The following TTC7A variants were observed in gnomAD, a reference collection of about 807,000 sequenced individuals.
TTC7A encodes tetratricopeptide repeat protein 7A.
TTC7A carries 110 observed loss-of-function variants against 103.7 expected under a neutral mutation model. That is an observed-to-expected ratio of 1.06 (90% confidence interval 0.91 to 1.24). The LOEUF (loss-of-function observed/expected upper bound fraction) is 1.24. Among genes scored for constraint, TTC7A ranks in the 50% most tolerant of loss-of-function variants. The pLI, the probability that TTC7A is intolerant of heterozygous loss-of-function variation, is 0.00. For synonymous variants in TTC7A, 521 were observed against 467.9 expected (o/e 1.11, Z -1.47); for missense variants, 1,340 against 1,116.3 (o/e 1.20, Z -2.86).
At chr2:46,928,033 T>C (rs1161907283) in intron 2 of TTC7A, among the ~76,000 whole-genome samples, 3 of 151,134 alleles carry the variant, frequency 2.0e-5, no homozygotes, top group African/African-American at 7.3e-5. Flanking sequence ...AGCTGACCAC[T>C]GGCATACACC....
chr2:46,927,668 A>AT (rs1669460851), intron 2 of TTC7A, among the ~76,000 whole-genome samples: 1 of 151,916 alleles, frequency 6.6e-6, no homozygotes, highest in Non-Finnish European at 1.5e-5. Context: ...CAAAAAAAAG[A>AT]TTATTATTAA....
At chr2:46,922,764 G>A (rs1669173039) in intron 2 of TTC7A, among the ~76,000 whole-genome samples, 2 of 152,090 alleles carry the variant, frequency 1.3e-5, no homozygotes, top group African/African-American at 4.8e-5. Flanking sequence ...CACACTGGAG[G>A]AAGCACATCA....
At chr2:46,915,932 T>C (rs1013056351), upstream of TTC7A, 1 of 984,818 alleles carries the variant, frequency 1.0e-6, no homozygotes, top group Admixed American at 6.2e-5. Context: ...TGAGTCCACG[T>C]GTAATCGGCC....
At chr2:47,063,932 C>A (rs958349978) in intron 19 of TTC7A, among the ~76,000 whole-genome samples, 2 of 152,246 alleles carry the variant, frequency 1.3e-5, no homozygotes, top group East Asian at 3.8e-4. Context: ...AGAAAGCCCA[C>A]TGGGAGTTGA....
At chr2:46,955,269 G>A (rs747211986) in intron 2 of TTC7A, among the ~76,000 whole-genome samples, 6 of 152,208 alleles carry the variant, frequency 3.9e-5, no homozygotes, top group Non-Finnish European at 7.3e-5. Flanking sequence ...TGCAGGGAAC[G>A]CAGAGTCACT....
intron 5 of TTC7A, among the ~76,000 whole-genome samples, chr2:46,990,574 G>C (rs1361742077): frequency 6.6e-6 from 1 of 152,220 alleles, no homozygotes; most frequent in Non-Finnish European, 1.5e-5. Flanking sequence ...ACCCAAATTA[G>C]AAGGAGAAAG....
At chr2:46,973,615 G>A (rs529346801) in intron 3 of TTC7A, among the ~76,000 whole-genome samples, 2 of 152,224 alleles carry the variant, frequency 1.3e-5, no homozygotes, top group South Asian at 4.2e-4. Flanking sequence ...ATTCCCAGTC[G>A]AGGGACTGAG....
At chr2:47,032,791 T>G (rs1329200467) in intron 15 of TTC7A, among the ~76,000 whole-genome samples, 1 of 148,640 alleles carries the variant, frequency 6.7e-6, no homozygotes, top group Non-Finnish European at 1.5e-5. Context: ...GCAAAACTAA[T>G]TGGGAAAAAA....
intron 16 of TTC7A, among the ~76,000 whole-genome samples, chr2:47,047,548 G>C (rs901880816): frequency 1.3e-5 from 2 of 152,216 alleles, no homozygotes; most frequent in Non-Finnish European, 2.9e-5. Flanking sequence ...CATTCCGATG[G>C]CCTTGTTTTC....
At chr2:46,972,521 A>C (rs1673457910) in intron 3 of TTC7A, among the ~76,000 whole-genome samples, 1 of 152,146 alleles carries the variant, frequency 6.6e-6, no homozygotes, top group Non-Finnish European at 1.5e-5. Flanking sequence ...CAGCTTAACA[A>C]CCCCAGTGGA....
At chr2:46,930,596 T>C (rs576360473) in intron 2 of TTC7A, among the ~76,000 whole-genome samples, 4 of 151,526 alleles carry the variant, frequency 2.6e-5, no homozygotes, top group Non-Finnish European at 2.9e-5. Flanking sequence ...GCCTCCCAGG[T>C]TCAAGCGATT....
chr2:46,977,360 G>T (rs1013278484), intron 4 of TTC7A, among the ~76,000 whole-genome samples: 1 of 152,208 alleles, frequency 6.6e-6, no homozygotes, highest in Non-Finnish European at 1.5e-5. Context: ...ATCTCCTCTG[G>T]ATTCTGAAAG....
intron 5 of TTC7A, among the ~76,000 whole-genome samples, chr2:46,987,840 GTGTT>G (rs1161673058): frequency 0.01 from 1,574 of 151,180 alleles, 28 homozygotes; most frequent in African/African-American, 0.035. Flanking sequence ...GTGTGTGTGT[GTGTT>G]TGTGTGTGTC....
chr2:46,997,274 C>T (rs542094848), intron 8 of TTC7A, among the ~76,000 whole-genome samples: 45 of 152,186 alleles, frequency 3.0e-4, no homozygotes, highest in Admixed American at 4.6e-4. Flanking sequence ...CCACTGTGCC[C>T]GGCCTAAACA....
intron 5 of TTC7A, among the ~76,000 whole-genome samples, chr2:46,985,866 C>A (rs1414029567): frequency 6.6e-6 from 1 of 152,138 alleles, no homozygotes; most frequent in Non-Finnish European, 1.5e-5. Flanking sequence ...ATAAAGATAC[C>A]TTAGCCCAGG....
intron 15 of TTC7A, among the ~76,000 whole-genome samples, chr2:47,041,669 C>G (rs371937335): frequency 5.9e-5 from 9 of 151,362 alleles, no homozygotes; most frequent in African/African-American, 2.2e-4. Context: ...AGGAGAATTG[C>G]TTGAACCCAG....
chr2:47,039,152 G>T (rs1681470771), intron 15 of TTC7A, among the ~76,000 whole-genome samples: 1 of 152,190 alleles, frequency 6.6e-6, no homozygotes. Flanking sequence ...GCACTTCCAG[G>T]AAGCAGCAGA....
At chr2:46,936,730 C>G (rs192357202), upstream of TTC7A, among the ~76,000 whole-genome samples, 3 of 152,270 alleles carry the variant, frequency 2.0e-5, no homozygotes, top group East Asian at 5.8e-4. Context: ...GCGGTAGCCA[C>G]TATGAGGAAT....
chr2:47,072,728 C>T (rs1684868440), intron 19 of TTC7A, among the ~76,000 whole-genome samples: 1 of 152,208 alleles, frequency 6.6e-6, no homozygotes, highest in African/African-American at 2.4e-5. Flanking sequence ...CCCGTGCTGT[C>T]ATCTCATGCC....
Sources: allele counts gnomAD v4.1 joint callset (sites outside exome capture counted in the v4.1 genomes callset), GRCh38; gene constraint gnomAD v4.1.1; transcripts MANE v1.5; gene names NCBI Gene and HGNC (gene_info 2026-07-23, HGNC 2026-07-21).